The following CEP44 variants were observed in gnomAD, a reference collection of about 807,000 sequenced individuals.
CEP44 encodes centrosomal protein of 44 kDa.
CEP44 carries 45 observed loss-of-function variants against 46.7 expected under a neutral mutation model. That is an observed-to-expected ratio of 0.96 (90% CI 0.76 to 1.24). The LOEUF (loss-of-function observed/expected upper bound fraction) is 1.24. CEP44 is among the 50% of genes most tolerant of loss of function. The pLI is 0.00. For synonymous variants in CEP44, 142 were observed against 146.0 expected, an observed-to-expected ratio of 0.97 and a Z score of 0.20; for missense variants, 475 against 459.7, an observed-to-expected ratio of 1.03 and a Z score of -0.30.
At chr4:174,332,918 T>G (rs938561080) in exon 9 of CEP44, 1 of 152,166 alleles carries the variant, frequency 6.6e-6, no homozygotes. Flanking sequence ...AGACATTCCT[T>G]TCTAACTAAC....
intron 2 of CEP44, among the ~76,000 whole-genome samples, chr4:174,298,301 A>G (rs1395377000): frequency 7.7e-5 from 11 of 142,560 alleles, no homozygotes; most frequent in East Asian, 2.1e-4. Flanking sequence ...TCAGCCTCCC[A>G]AGTAGCTGGG....
rs1229948869 is a variant in CEP44 at position 174,326,566 on chromosome 4, T to TA, written c.1087-4915dup. 6.6e-6 allele frequency among the ~76,000 whole-genome samples: 1 copy of TA among 152,064 alleles called. No homozygotes were observed. Among genetic ancestry groups the TA allele is most frequent in the Non-Finnish European group, 1.5e-5 (1 of 67,952 alleles). On this transcript the variant is annotated intron_variant, in intron 8 of 8. Coordinates refer to the CEP44 transcript ENST00000426172. This position sits in a 1 kb window ranked among gnomAD's most constrained non-coding sequence, Gnocchi z 4.8. Reference sequence around the variant, plus strand: ...TAAATAATTTTTTAAAAGTCTTTTATATGTGCCAACCTATTTACCATTTCC... The same window carrying TA: ...TAAATAATTTTTTAAAAGTCTTTTATAATGTGCCAACCTATTTACCATTTCC...
intron 3 of CEP44, among the ~76,000 whole-genome samples, chr4:174,300,060 A>C (rs1739535629): frequency 6.6e-6 from 1 of 152,192 alleles, no homozygotes; most frequent in Non-Finnish European, 1.5e-5. Context: ...GGAGTTGATT[A>C]GACATTTATT....
chr4:174,320,454 T>C (rs1403240550), downstream of CEP44: 2 of 316,182 alleles, frequency 6.3e-6, no homozygotes, highest in African/African-American at 1.5e-4. Flanking sequence ...TCAAATAACA[T>C]TGTAACTTTG....
intron 6 of CEP44, among the ~76,000 whole-genome samples, chr4:174,304,939 C>G (rs1288578843): frequency 6.6e-6 from 1 of 152,296 alleles, no homozygotes; most frequent in East Asian, 1.9e-4. Context: ...TACAGTGTTT[C>G]TATCACTAAG....
At chr4:174,299,457 T>C (rs2126573233) in intron 3 of CEP44, among the ~76,000 whole-genome samples, 2 of 152,352 alleles carry the variant, frequency 1.3e-5, no homozygotes, top group South Asian at 4.1e-4. Context: ...GTATAAGTTA[T>C]AATCTCTGTA....
chr4:174,327,368 G>A (rs1415772999), intron 8 of CEP44, among the ~76,000 whole-genome samples: 1 of 151,680 alleles, frequency 6.6e-6, no homozygotes, highest in African/African-American at 2.4e-5. Context: ...ACTCAATACA[G>A]ATTAATTCTT....
At chr4:174,332,741 G>GT (rs1731379274) in exon 9 of CEP44, 1 of 152,152 alleles carries the variant, frequency 6.6e-6, no homozygotes, top group Non-Finnish European at 1.5e-5. Context: ...GACACAGAGT[G>GT]TGCCTTAGGC....
At chr4:174,308,980 T>A in intron 7 of CEP44, 121 bp downstream of exon 7, 1 of 875,036 alleles carries the variant, frequency 1.1e-6, no homozygotes, top group Non-Finnish European at 1.8e-6. Flanking sequence ...TGACATTTTA[T>A]CTATGTTACA....
intron 8 of CEP44, among the ~76,000 whole-genome samples, chr4:174,327,897 T>C (rs1389772822): frequency 3.9e-5 from 6 of 152,188 alleles, no homozygotes; most frequent in Non-Finnish European, 8.8e-5. Context: ...TTGAAAACTT[T>C]TCAGGTGATT....
In CEP44 at chr4:174,320,118, A is replaced by G. The variant is rs1742178807; in HGVS notation, c.*2735A>G. Reference sequence around the variant, plus strand: ...TTATGCTCTGAATAGGTCTCGGTAAAGATTATATGGAAATACTATAAAGAA... The same window carrying G: ...TTATGCTCTGAATAGGTCTCGGTAAGGATTATATGGAAATACTATAAAGAA... On this transcript the variant is annotated 3_prime_UTR_variant, in exon 12 of 12. Transcript: ENST00000503780. The G allele has an allele frequency of 1.0e-6, 1 of 985,308 alleles. No homozygotes were observed. The highest frequency in any genetic ancestry group is 1.7e-5 in the African/African-American group (1 of 57,346). The allele number at this position is 985,308 out of a possible 1,614,324, so 61.0% of individuals were successfully genotyped here. A position where few individuals can be genotyped will look rare whatever the true frequency, so the allele number is the denominator to read the frequency against.
intron 1 of CEP44, among the ~76,000 whole-genome samples, chr4:174,294,140 A>G (rs1271766475): frequency 6.6e-6 from 1 of 150,978 alleles, no homozygotes; most frequent in Non-Finnish European, 1.5e-5. Context: ...GGGTCAGCAG[A>G]TAAACAAGTG....
intron 6 of CEP44, 112 bp from the exon 7 acceptor site, chr4:174,308,577 C>A: frequency 1.0e-6 from 1 of 968,344 alleles, no homozygotes; most frequent in Non-Finnish European, 1.5e-6. Flanking sequence ...CCATGGCACA[C>A]ATTTACTTGT....
rs1345274091 is a variant in CEP44 at position 174,304,229 on chromosome 4, TA to T, written c.385-16del. The stretch of plus-strand genomic sequence containing the variant: ...TTCACACAAAATTTGTTATTTTGAC[TA>T]ATACCTTTTTTTTTAGATTCCATCA... On this transcript the variant is annotated splice_polypyrimidine_tract_variant and intron_variant, in intron 5 of 11. Coordinates refer to ENST00000503780, the MANE Select transcript of CEP44 (RefSeq NM_001040157.3). The T allele has an allele frequency of 6.3e-7, 1 of 1,575,170 alleles. No individual in the cohort carries two copies. Among genetic ancestry groups the T allele is most frequent in the East Asian group, 2.3e-5 (1 of 44,372 alleles).
At position 174,310,790 on chromosome 4, in the gene CEP44, AATTT is replaced by A; in HGVS notation, c.896_899del (p.Phe299Ter). On this transcript the variant is annotated frameshift_variant, in exon 9 of 12. Coordinates refer to ENST00000503780, the MANE Select transcript of CEP44 (RefSeq NM_001040157.3). LOFTEE classifies it high-confidence loss of function. The surrounding 1 kb of genome is among the most constrained non-coding windows in gnomAD (Gnocchi z 4.2). ...TTAACTGTGTTATTCCAGAATGATG[AATTT>A]ATAGAGTTTAATGAAGTTAGTGAAG... is the stretch of plus-strand genomic sequence containing the variant. 2 of 1,433,012 alleles carry A rather than the reference AATTT, an allele frequency of 1.4e-6. No individual in the cohort carries two copies. Among genetic ancestry groups the A allele is most frequent in the Non-Finnish European group, 1.9e-6 (2 of 1,034,990 alleles). 88.8% of individuals were successfully genotyped at this position (1,433,012 alleles called of 1,614,324 possible). A position where few individuals can be genotyped will look rare whatever the true frequency, so the allele number is the denominator to read the frequency against.
Position 174,318,552 on chromosome 4 carries a change from C to T in CEP44, c.*1169C>T. The stretch of plus-strand genomic sequence containing the variant: ...TTTAAACTTGTAGATAAAAGTGTTC[C>T]AGTAATCAGAAAATCCTCAAGAAAA... On this transcript the variant is annotated 3_prime_UTR_variant, in exon 12 of 12. Coordinates refer to ENST00000503780, the MANE Select transcript of CEP44 (RefSeq NM_001040157.3). 2.3e-6 allele frequency: 2 copies of T among 857,064 alleles called. No individual in the cohort carries two copies. Among genetic ancestry groups the T allele is most frequent in the Non-Finnish European group, 2.8e-6 (2 of 713,884 alleles). 53.1% of individuals were successfully genotyped at this position (857,064 alleles called of 1,614,324 possible). A position where few individuals can be genotyped will look rare whatever the true frequency, so the allele number is the denominator to read the frequency against.
rs1260900648 is a variant in CEP44, at chr4:174,301,932, A to C, written c.90-107A>C. The C allele has an allele frequency of 5.1e-6, 5 of 986,702 alleles. No homozygotes were observed. Among genetic ancestry groups the C allele is most frequent in the African/African-American group, 3.3e-5 (2 of 60,438 alleles). The allele number at this position is 986,702 out of a possible 1,614,324, so 61.1% of individuals were successfully genotyped here. The stretch of plus-strand genomic sequence containing the variant: ...CCTAATTATTATAGCTATAGTGTTA[A>C]GTTTTAAATTATTATAAACATTTCT... On this transcript the variant is annotated intron_variant, in intron 3 of 11. Coordinates refer to ENST00000503780, the MANE Select transcript of CEP44 (RefSeq NM_001040157.3). This position sits in a 1 kb window ranked among gnomAD's most constrained non-coding sequence, Gnocchi z 4.3.
intron 5 of CEP44, 93 bp downstream of exon 5, chr4:174,303,942 T>C (rs1392493184): frequency 1.2e-6 from 1 of 847,634 alleles, no homozygotes; most frequent in Non-Finnish European, 1.8e-6. Flanking sequence ...GACAGCAAAT[T>C]ATTTCATAGT....
At chr4:174,295,111 G>A (rs538582050) in intron 1 of CEP44, among the ~76,000 whole-genome samples, 132 of 151,966 alleles carry the variant, frequency 8.7e-4, no homozygotes, top group Non-Finnish European at 1.5e-3. Context: ...GGACGGGGCG[G>A]CTGGCCTGGC....
Sources: gnomAD v4.1 joint callset for allele counts (sites outside exome capture counted in the v4.1 genomes callset) on GRCh38, gnomAD v4.1.1 for gene constraint, Gnocchi (gnomAD v3.1) non-coding constraint, MANE v1.5 for transcripts, NCBI Gene and HGNC (gene_info 2026-07-23, HGNC 2026-07-21) for gene names.